The following GABRB2 variants were observed in gnomAD, a reference collection of about 807,000 sequenced individuals.
GABRB2 encodes the protein gamma-aminobutyric acid type A receptor subunit beta2.
In GABRB2, 16 loss-of-function variants were observed where a neutral mutation model predicts 54.7. The ratio of observed to expected loss-of-function variants is 0.29; its 90% CI spans 0.20 to 0.44. The LOEUF is 0.44. Ranked by LOEUF, GABRB2 falls within the 20% of genes least tolerant of loss-of-function variation. The pLI is 1.00. For missense variants in GABRB2, 355 were observed against 644.0 expected, an observed-to-expected ratio of 0.55 and a Z score of 4.86; for synonymous variants, 244 against 233.8, an observed-to-expected ratio of 1.04 and a Z score of -0.40.
intron 5 of GABRB2, among the ~76,000 whole-genome samples, chr5:161,374,616 C>T (rs1403922825): frequency 6.6e-6 from 1 of 152,192 alleles, no homozygotes; most frequent in Non-Finnish European, 1.5e-5. Context: ...TAGTTTCTTC[C>T]TAGGCATGCT....
intron 5 of GABRB2, among the ~76,000 whole-genome samples, chr5:161,383,369 T>C (rs953916691): frequency 2.6e-5 from 4 of 151,054 alleles, no homozygotes; most frequent in Non-Finnish European, 3.0e-5. Flanking sequence ...TTTGTCTTTC[T>C]TTTTTTTTCA....
intron 3 of GABRB2, among the ~76,000 whole-genome samples, chr5:161,463,433 T>A (rs1758174125): frequency 6.6e-6 from 1 of 150,444 alleles, no homozygotes; most frequent in Non-Finnish European, 1.5e-5. Context: ...ATGTTGATAC[T>A]CTCTAAATTG....
At chr5:161,498,693 C>A (rs981226923) in intron 3 of GABRB2, among the ~76,000 whole-genome samples, 3 of 152,006 alleles carry the variant, frequency 2.0e-5, no homozygotes, top group Non-Finnish European at 4.4e-5. Flanking sequence ...GCCTTTGGAA[C>A]ACAAGGCTCT....
chr5:161,489,432 T>C (rs893130360), intron 3 of GABRB2, among the ~76,000 whole-genome samples: 2 of 151,702 alleles, frequency 1.3e-5, no homozygotes, highest in African/African-American at 2.4e-5. Context: ...CAGATAGACA[T>C]TACCATCATC....
At chr5:161,501,282 T>G (rs1759432840) in intron 3 of GABRB2, among the ~76,000 whole-genome samples, 1 of 147,568 alleles carries the variant, frequency 6.8e-6, no homozygotes, top group Non-Finnish European at 1.5e-5. Flanking sequence ...ATATGCTTTG[T>G]GACAAGTCTT....
At chr5:161,492,469 T>C (rs1759112444) in intron 3 of GABRB2, among the ~76,000 whole-genome samples, 1 of 151,740 alleles carries the variant, frequency 6.6e-6, no homozygotes, top group African/African-American at 2.4e-5. Context: ...AGGAAGACTG[T>C]TAAACTAAGC....
At chr5:161,414,938 G>T (rs1449136610) in intron 4 of GABRB2, among the ~76,000 whole-genome samples, 3 of 152,046 alleles carry the variant, frequency 2.0e-5, no homozygotes, top group East Asian at 3.8e-4. Context: ...ATTCCAAAAA[G>T]CTCAGGAATA....
rs1046849859 is a variant in GABRB2, at chr5:161,292,542, A to G, written c.*1539T>C. 1 of 152,196 alleles carries G rather than the reference A, an allele frequency of 6.6e-6. No homozygotes were observed. Among genetic ancestry groups the G allele is most frequent in the African/African-American group, 2.4e-5 (1 of 41,456 alleles). 9.4% of individuals were successfully genotyped at this position (152,196 alleles called of 1,614,324 possible). On this transcript the variant is annotated 3_prime_UTR_variant, in exon 10 of 10. Coordinates refer to ENST00000393959, the MANE Select transcript of GABRB2 (RefSeq NM_001371727.1). ...AGAAGCACAATGGCATAACTTAAAAATAGAAAAAAAATACATCATGCCTGC... is the reference window on the plus strand; with the variant it reads ...AGAAGCACAATGGCATAACTTAAAAGTAGAAAAAAAATACATCATGCCTGC...
At chr5:161,499,768 G>A (rs900468774) in intron 3 of GABRB2, among the ~76,000 whole-genome samples, 2 of 152,150 alleles carry the variant, frequency 1.3e-5, no homozygotes, top group African/African-American at 4.8e-5. Flanking sequence ...ATCATTCTAG[G>A]AGGATGCATA....
intron 7 of GABRB2, among the ~76,000 whole-genome samples, chr5:161,332,369 T>C (rs1323225052): frequency 6.6e-6 from 1 of 152,080 alleles, no homozygotes; most frequent in African/African-American, 2.4e-5. Flanking sequence ...AGCCCTCATG[T>C]ATATGGATCG....
intron 9 of GABRB2, 24 bp from the exon 10 acceptor site, chr5:161,294,452 G>C (rs369749761): frequency 3.8e-6 from 6 of 1,595,342 alleles, no homozygotes; most frequent in Non-Finnish European, 5.1e-6. Flanking sequence ...GAATCAAAAA[G>C]ACAATCAGAA....
intron 5 of GABRB2, among the ~76,000 whole-genome samples, chr5:161,376,444 G>A (rs1755300723): frequency 6.6e-6 from 1 of 152,064 alleles, no homozygotes; most frequent in Non-Finnish European, 1.5e-5. Flanking sequence ...AGTGGAAAAT[G>A]AAGCCCACAT....
intron 5 of GABRB2, among the ~76,000 whole-genome samples, chr5:161,376,056 C>T (rs1354549635): frequency 6.6e-6 from 1 of 151,936 alleles, no homozygotes; most frequent in Non-Finnish European, 1.5e-5. Context: ...TCCATAATAC[C>T]CTCAGGATTT....
chr5:161,516,876 A>C (rs1053438739), intron 3 of GABRB2, among the ~76,000 whole-genome samples: 3 of 152,270 alleles, frequency 2.0e-5, no homozygotes, highest in African/African-American at 7.2e-5. Context: ...CAAGAACTGA[A>C]AAACATTGGT....
intron 8 of GABRB2, 106 bp downstream of exon 8, chr5:161,330,777 T>C: frequency 1.3e-6 from 2 of 1,492,142 alleles, no homozygotes; most frequent in Non-Finnish European, 1.8e-6. Flanking sequence ...ACCCATTCTC[T>C]TCCCTGGGCT....
chr5:161,423,090 C>A lies in GABRB2; in HGVS notation c.459-12033G>T, dbSNP rs553071404. ...TTTTCTATATTTAACAGTTTCAATT[C>A]AGTTTTTTAATTGTAAATTATTTAT... On this transcript the variant is annotated intron_variant, in intron 4 of 9. Transcript: ENST00000393959. Among the ~76,000 whole-genome samples the A allele has an allele frequency of 2.6e-5, 4 of 152,084 alleles. No homozygotes were observed. In the South Asian group the frequency reaches 8.3e-4, roughly 32 times the overall value.
At chr5:161,525,373 G>T (rs531523173) in intron 3 of GABRB2, among the ~76,000 whole-genome samples, 2 of 151,358 alleles carry the variant, frequency 1.3e-5, no homozygotes, top group African/African-American at 4.8e-5. Context: ...ATAATTTTTA[G>T]ATTGGAAAAT....
chr5:161,502,341 A>T (rs972415002), intron 3 of GABRB2, among the ~76,000 whole-genome samples: 2 of 152,178 alleles, frequency 1.3e-5, no homozygotes, highest in Non-Finnish European at 2.9e-5. Context: ...CTCATAAAAG[A>T]AATGCATTAT....
At chr5:161,486,713 C>T (rs1365763386) in intron 3 of GABRB2, among the ~76,000 whole-genome samples, 1 of 151,866 alleles carries the variant, frequency 6.6e-6, no homozygotes, top group Non-Finnish European at 1.5e-5. Context: ...CTTTTCCCTC[C>T]CATTCAGTTC....
Sources: allele counts gnomAD v4.1 joint callset (sites outside exome capture counted in the v4.1 genomes callset), GRCh38; gene constraint gnomAD v4.1.1; transcripts MANE v1.5; gene names NCBI Gene and HGNC (gene_info 2026-07-23, HGNC 2026-07-21).